HMBOX1: variants seen among roughly 807,000 people sequenced by gnomAD.
HMBOX1 encodes homeobox-containing protein 1.
Under a neutral mutation model 54.5 loss-of-function variants are expected in HMBOX1, and 14 were observed. That is an observed-to-expected ratio of 0.26 (90% confidence interval 0.17 to 0.40). The LOEUF (loss-of-function observed/expected upper bound fraction) is 0.40. Among genes scored for constraint, HMBOX1 ranks in the 10% least tolerant of loss-of-function variants. HMBOX1 has a pLI of 1.00. For missense variants in HMBOX1, 332 were observed against 514.4 expected, an observed-to-expected ratio of 0.65 and a Z score of 3.43; for synonymous variants, 160 against 181.0, an observed-to-expected ratio of 0.88 and a Z score of 0.93.
rs1042027232 is a variant in HMBOX1, at chr8:29,048,765, G to A, written c.1031-189G>A. Among the ~76,000 whole-genome samples the A allele has an allele frequency of 2.0e-5, 3 of 152,176 alleles. No homozygotes were observed. In the East Asian group the frequency reaches 5.8e-4, roughly 29 times the overall value. On this transcript the variant is annotated intron_variant, in intron 8 of 9. Coordinates refer to ENST00000287701, the MANE Select transcript of HMBOX1 (RefSeq NM_001135726.3). ...GCAGAGACCCCAGAATGGCAAATGT[G>A]TGCCTCCCCTGACCTACATGCAGTT...
chr8:28,897,810 T>C (rs1270495801), intron 1 of HMBOX1, among the ~76,000 whole-genome samples: 2 of 152,284 alleles, frequency 1.3e-5, no homozygotes, highest in African/African-American at 4.8e-5. Context: ...AGTTTGGTTT[T>C]GACAGTGTTA....
At chr8:28,913,875 T>TTTTTTTTAA (rs1815981819) in intron 1 of HMBOX1, among the ~76,000 whole-genome samples, 1 of 143,364 alleles carries the variant, frequency 7.0e-6, no homozygotes, top group African/African-American at 2.5e-5. Context: ...TTTTTTTTTT[T>TTTTTTTTAA]TGCGGGGGCG....
intron 6 of HMBOX1, among the ~76,000 whole-genome samples, chr8:29,034,529 G>T (rs773783313): frequency 2.0e-5 from 3 of 152,058 alleles, no homozygotes; most frequent in Non-Finnish European, 4.4e-5. Flanking sequence ...CATAATTTTT[G>T]GTCAAATGTT....
At chr8:28,977,849 CAGG>C (rs959396883) in intron 3 of HMBOX1, among the ~76,000 whole-genome samples, 11 of 150,734 alleles carry the variant, frequency 7.3e-5, no homozygotes, top group African/African-American at 2.7e-4. Flanking sequence ...GAGGCTGAGG[CAGG>C]AGAATGACGT....
At chr8:29,003,406 C>T (rs972918514) in intron 4 of HMBOX1, among the ~76,000 whole-genome samples, 3 of 150,654 alleles carry the variant, frequency 2.0e-5, no homozygotes, top group African/African-American at 7.3e-5. Context: ...TATATGAGAA[C>T]ATTCTAAGAT....
chr8:28,918,900 G>A (rs189265077), intron 1 of HMBOX1, among the ~76,000 whole-genome samples: 55 of 152,274 alleles, frequency 3.6e-4, no homozygotes, highest in Non-Finnish European at 5.9e-5. Flanking sequence ...TCATAACCCT[G>A]TTTTAAAAAC....
chr8:28,974,224 G>T (rs1828007446), intron 3 of HMBOX1, among the ~76,000 whole-genome samples: 1 of 151,998 alleles, frequency 6.6e-6, no homozygotes, highest in South Asian at 2.1e-4. Flanking sequence ...TTGAGTTAGG[G>T]TTGGGAAAAA....
intron 6 of HMBOX1, among the ~76,000 whole-genome samples, chr8:29,024,462 G>C (rs1468280780): frequency 1.3e-5 from 2 of 152,166 alleles, no homozygotes; most frequent in African/African-American, 4.8e-5. Flanking sequence ...AGATTGGTCT[G>C]TTAGATAATA....
intron 4 of HMBOX1, among the ~76,000 whole-genome samples, chr8:29,007,908 A>C (rs1003832409): frequency 5.9e-5 from 9 of 152,078 alleles, no homozygotes; most frequent in Admixed American, 5.9e-4. Context: ...TTCTTTTGAC[A>C]TAGGTTTTTA....
chr8:29,007,067 T>A (rs1294756592), intron 4 of HMBOX1, among the ~76,000 whole-genome samples: 1 of 151,930 alleles, frequency 6.6e-6, no homozygotes, highest in Non-Finnish European at 1.5e-5. Context: ...GGCGGGCGGA[T>A]CACCTGAGGT....
chr8:28,980,914 G>A (rs928493317), intron 4 of HMBOX1, among the ~76,000 whole-genome samples: 1 of 152,056 alleles, frequency 6.6e-6, no homozygotes, highest in African/African-American at 2.4e-5. Context: ...TTTGCATATT[G>A]ATAGATATAA....
At chr8:28,924,382 A>C (rs753802489) in intron 1 of HMBOX1, among the ~76,000 whole-genome samples, 1 of 151,620 alleles carries the variant, frequency 6.6e-6, no homozygotes, top group Non-Finnish European at 1.5e-5. Context: ...TGCTGGGATT[A>C]CAGGTGTGAG....
At chr8:28,953,599 ACT>A (rs1563457048) in intron 1 of HMBOX1, among the ~76,000 whole-genome samples, 1 of 149,628 alleles carries the variant, frequency 6.7e-6, no homozygotes, top group Non-Finnish European at 1.5e-5. Flanking sequence ...GCCTTTTTAT[ACT>A]CTCCCAACCA....
chr8:28,939,567 G>C (rs925151008), intron 1 of HMBOX1, among the ~76,000 whole-genome samples: 2 of 151,912 alleles, frequency 1.3e-5, no homozygotes, highest in Admixed American at 1.3e-4. Flanking sequence ...GAGTGCAGTG[G>C]TGCCATCTCG....
chr8:28,955,962 A>AG, intron 1 of HMBOX1: 1 of 94,200 alleles, frequency 1.1e-5, no homozygotes, highest in Non-Finnish European at 2.2e-5. Flanking sequence ...AGGAAAAAAA[A>AG]AAAAAAAAAA....
intron 1 of HMBOX1, among the ~76,000 whole-genome samples, chr8:28,923,096 A>G (rs554012383): frequency 2.1e-4 from 32 of 152,358 alleles, no homozygotes; most frequent in African/African-American, 7.5e-4. Context: ...GTGTTGCACA[A>G]CTGTCACCAC....
chr8:28,992,683 A>G (rs1831159759), intron 4 of HMBOX1, among the ~76,000 whole-genome samples: 1 of 151,934 alleles, frequency 6.6e-6, no homozygotes. Context: ...AGTCTGGTCA[A>G]CATAGTGAAT....
intron 1 of HMBOX1, among the ~76,000 whole-genome samples, chr8:28,892,618 G>A (rs920763862): frequency 1.6e-4 from 24 of 152,148 alleles, no homozygotes; most frequent in African/African-American, 5.3e-4. Context: ...CATTGATAGA[G>A]TGTGTAATTT....
intron 1 of HMBOX1, among the ~76,000 whole-genome samples, chr8:28,928,762 G>A (rs1474676015): frequency 6.6e-6 from 1 of 152,164 alleles, no homozygotes; most frequent in African/African-American, 2.4e-5. Context: ...GGACCTGGAG[G>A]ACATTATGCT....
Sources: gnomAD v4.1 joint callset for allele counts (sites outside exome capture counted in the v4.1 genomes callset) on GRCh38, gnomAD v4.1.1 for gene constraint, MANE v1.5 for transcripts, NCBI Gene and HGNC (gene_info 2026-07-23, HGNC 2026-07-21) for gene names.